The following PTPRD variants were observed in gnomAD, a reference collection of about 807,000 sequenced individuals.
PTPRD encodes the protein receptor-type tyrosine-protein phosphatase delta.
Under a neutral mutation model 214.5 loss-of-function variants are expected in PTPRD, and 34 were observed. The ratio of observed to expected loss-of-function variants is 0.16; its 90% confidence interval spans 0.12 to 0.21. The LOEUF is 0.21. Among genes scored for constraint, PTPRD ranks in the 10% least tolerant of loss-of-function variants. The probability of loss-of-function intolerance (pLI) is 1.00; values close to 1 mark genes in which losing one functional copy is unlikely to be tolerated. For synonymous variants in PTPRD, 1,128 were observed against 845.7 expected (o/e 1.33, Z -5.79); for missense variants, 2,545 against 2,398.7 (o/e 1.06, Z -1.27).
chr9:8,559,938 G>A (rs56869162), intron 14 of PTPRD, among the ~76,000 whole-genome samples: 3,720 of 152,254 alleles, frequency 0.024, 140 homozygotes, highest in African/African-American at 0.074. Flanking sequence ...GAAAACCTTT[G>A]TGTATCTCCA....
At chr9:9,425,136 A>G (rs541444813) in intron 8 of PTPRD, among the ~76,000 whole-genome samples, 1 of 152,130 alleles carries the variant, frequency 6.6e-6, no homozygotes, top group South Asian at 2.1e-4. Flanking sequence ...TGAAGAGAGT[A>G]AGAGGCCATA....
chr9:10,561,180 T>C (rs10756061), intron 2 of PTPRD, among the ~76,000 whole-genome samples: 37,236 of 152,094 alleles, frequency 0.24, 5,258 homozygotes, highest in Non-Finnish European at 0.32. Flanking sequence ...ATCCATGTCT[T>C]CTGTTTTAAG....
At chr9:9,941,263 A>G (rs866561168) in intron 4 of PTPRD, among the ~76,000 whole-genome samples, 91 of 152,184 alleles carry the variant, frequency 6.0e-4, no homozygotes, top group South Asian at 4.1e-4. Flanking sequence ...ACAGATTTGT[A>G]TGCTCAAAAG....
At chr9:9,783,444 G>T (rs983789996) in intron 5 of PTPRD, among the ~76,000 whole-genome samples, 3 of 152,046 alleles carry the variant, frequency 2.0e-5, no homozygotes, top group African/African-American at 7.2e-5. Context: ...TTTATATGCT[G>T]GGGTACACTG....
rs113653264 is a variant in PTPRD at position 9,775,612 on chromosome 9, C to T, written c.-367-8761G>A. ...CCCCACCTTCAATTTTATCTTCATCCAATCTCCCTTTCATTCTATTATAGG... is the reference window on the plus strand; with the variant it reads ...CCCCACCTTCAATTTTATCTTCATCTAATCTCCCTTTCATTCTATTATAGG... On this transcript the variant is annotated intron_variant, in intron 5 of 45. Coordinates refer to ENST00000381196, the MANE Select transcript of PTPRD (RefSeq NM_002839.4). 4.1e-3 allele frequency among the ~76,000 whole-genome samples: 623 copies of T among 152,226 alleles called. 4 individuals are homozygous for T. The highest frequency in any genetic ancestry group is 0.014 in the African/African-American group (594 of 41,538).
intron 7 of PTPRD, among the ~76,000 whole-genome samples, chr9:9,709,934 C>T (rs1402801453): frequency 6.6e-6 from 1 of 151,958 alleles, no homozygotes; most frequent in African/African-American, 2.4e-5. Flanking sequence ...ATTGTACACG[C>T]ATTTATGTAA....
chr9:10,494,227 G>C (rs1207796903), intron 2 of PTPRD, among the ~76,000 whole-genome samples: 2 of 151,604 alleles, frequency 1.3e-5, no homozygotes, highest in East Asian at 1.9e-4. Flanking sequence ...AGTAAATCAA[G>C]GTAAAATTTA....
chr9:10,246,513 GGGGTGCGGTGTGA>G (rs2092131500), intron 3 of PTPRD, among the ~76,000 whole-genome samples: 2 of 152,120 alleles, frequency 1.3e-5, no homozygotes, highest in African/African-American at 4.8e-5. Context: ...CAAAGTCCTG[GGGGTGCGGTGTGA>G]GCCACCGCAC....
intron 2 of PTPRD, among the ~76,000 whole-genome samples, chr9:10,537,113 G>C (rs180956875): frequency 6.6e-6 from 1 of 151,972 alleles, no homozygotes; most frequent in Admixed American, 6.6e-5. Flanking sequence ...AAAAACTATA[G>C]GACTATTGTC....
At chr9:9,268,725 T>C (rs1321035280) in intron 9 of PTPRD, among the ~76,000 whole-genome samples, 1 of 150,942 alleles carries the variant, frequency 6.6e-6, no homozygotes, top group East Asian at 2.0e-4. Context: ...TCAACTCATC[T>C]TCAATGAAGA....
At chr9:8,597,265 A>C (rs2094524860) in intron 14 of PTPRD, among the ~76,000 whole-genome samples, 1 of 152,150 alleles carries the variant, frequency 6.6e-6, no homozygotes, top group East Asian at 1.9e-4. Flanking sequence ...CAAAAATTGG[A>C]AAGAAATGAG....
chr9:9,721,869 A>G (rs2097955563), intron 7 of PTPRD, among the ~76,000 whole-genome samples: 1 of 152,066 alleles, frequency 6.6e-6, no homozygotes. Context: ...GTAATAATCA[A>G]AGAGTAGGAA....
intron 31 of PTPRD, among the ~76,000 whole-genome samples, chr9:8,468,049 A>T (rs956685569): frequency 6.6e-6 from 1 of 152,010 alleles, no homozygotes; most frequent in African/African-American, 2.4e-5. Flanking sequence ...GTCGCAATTC[A>T]TCCATATCAT....
At chr9:9,913,732 T>G (rs1273358548) in intron 5 of PTPRD, among the ~76,000 whole-genome samples, 2 of 152,144 alleles carry the variant, frequency 1.3e-5, no homozygotes, top group African/African-American at 4.8e-5. Context: ...ACAGGAGAAC[T>G]TCACAGTCCA....
intron 5 of PTPRD, among the ~76,000 whole-genome samples, chr9:9,791,745 A>G (rs2098968893): frequency 6.6e-6 from 1 of 152,048 alleles, no homozygotes; most frequent in Admixed American, 6.6e-5. Flanking sequence ...CTATATTGAG[A>G]CTTTTTTTGA....
chr9:8,394,361 T>C (rs1033956170), intron 36 of PTPRD, among the ~76,000 whole-genome samples: 1 of 152,136 alleles, frequency 6.6e-6, no homozygotes, highest in African/African-American at 2.4e-5. Flanking sequence ...ACATGAATTA[T>C]TTTGTGAAAT....
chr9:8,947,662 G>A (rs1027025154), intron 11 of PTPRD, among the ~76,000 whole-genome samples: 22 of 151,952 alleles, frequency 1.4e-4, no homozygotes, highest in African/African-American at 4.8e-4. Flanking sequence ...CTTTTGTTTT[G>A]TTTTGTTTTG....
intron 7 of PTPRD, among the ~76,000 whole-genome samples, chr9:9,607,979 TTGGGAGAGCAATCGA>T: frequency 6.6e-6 from 1 of 152,218 alleles, no homozygotes; most frequent in Non-Finnish European, 1.5e-5. Context: ...CAGTCTGGAT[TTGGGAGAGCAATCGA>T]TGGGTTAAAT....
intron 3 of PTPRD, among the ~76,000 whole-genome samples, chr9:10,181,779 A>G (rs1195301192): frequency 6.6e-6 from 1 of 151,656 alleles, no homozygotes; most frequent in South Asian, 2.1e-4. Context: ...GAGGAAAAAA[A>G]AAACTGACCT....
Sources: allele counts gnomAD v4.1 joint callset (sites outside exome capture counted in the v4.1 genomes callset), GRCh38; gene constraint gnomAD v4.1.1; transcripts MANE v1.5; gene names NCBI Gene and HGNC (gene_info 2026-07-23, HGNC 2026-07-21).